The following CLYBL variants were observed in gnomAD, a reference collection of about 807,000 sequenced individuals.
CLYBL encodes the protein citramalyl-CoA lyase, mitochondrial.
In CLYBL, 31 loss-of-function variants were observed where a neutral mutation model predicts 38.9. That is an observed-to-expected ratio of 0.80 (90% CI 0.60 to 1.08). The LOEUF (loss-of-function observed/expected upper bound fraction) is 1.08, where lower values mean the gene tolerates loss of function less well. CLYBL is among the 50% of genes least tolerant of loss of function. The pLI, the probability that CLYBL is intolerant of heterozygous loss-of-function variation, is 0.00. For missense variants in CLYBL, 434 were observed against 411.6 expected (o/e 1.05, Z -0.47); for synonymous variants, 171 against 158.6 (o/e 1.08, Z -0.59).
intron 1 of CLYBL, among the ~76,000 whole-genome samples, chr13:99,623,322 C>T (rs1236254866): frequency 8.5e-5 from 13 of 152,314 alleles, no homozygotes; most frequent in Non-Finnish European, 1.6e-4. Flanking sequence ...TGTATTCTCG[C>T]GGTTTCTTCC....
chr13:99,652,437 A>G (rs1175423313), intron 1 of CLYBL, among the ~76,000 whole-genome samples: 1 of 152,036 alleles, frequency 6.6e-6, no homozygotes, highest in Non-Finnish European at 1.5e-5. Flanking sequence ...TTGGCCAGAC[A>G]TGGCTCACAC....
intron 2 of CLYBL, among the ~76,000 whole-genome samples, chr13:99,787,564 T>C (rs1022030419): frequency 1.3e-5 from 2 of 152,232 alleles, no homozygotes; most frequent in African/African-American, 4.8e-5. Context: ...TCTGTATCTC[T>C]GTTTTGCTAC....
intron 2 of CLYBL, among the ~76,000 whole-genome samples, chr13:99,843,822 G>C (rs1359322504): frequency 6.6e-6 from 1 of 152,086 alleles, no homozygotes. Flanking sequence ...GGCTGGTCTC[G>C]AACTCCTGAC....
intron 1 of CLYBL, among the ~76,000 whole-genome samples, chr13:99,701,600 C>A (rs906532105): frequency 6.6e-6 from 1 of 151,572 alleles, no homozygotes; most frequent in African/African-American, 2.4e-5. Context: ...CGTGAGCCAC[C>A]GCGCCCGGCC....
intron 2 of CLYBL, among the ~76,000 whole-genome samples, chr13:99,777,637 C>T (rs1248313727): frequency 6.6e-6 from 1 of 151,942 alleles, no homozygotes; most frequent in East Asian, 1.9e-4. Flanking sequence ...GGATTACAGG[C>T]GCATGCCACC....
At chr13:99,705,697 G>C (rs1046014988) in intron 1 of CLYBL, among the ~76,000 whole-genome samples, 1 of 152,092 alleles carries the variant, frequency 6.6e-6, no homozygotes, top group Non-Finnish European at 1.5e-5. Context: ...GAGGTACCTA[G>C]AGTAGTCAAA....
chr13:99,641,200 G>T (rs1019276045), intron 1 of CLYBL, among the ~76,000 whole-genome samples: 8 of 152,140 alleles, frequency 5.3e-5, no homozygotes, highest in Admixed American at 5.2e-4. Context: ...AATGATATAA[G>T]TTTTTTGATG....
chr13:99,635,709 G>T (rs751631194), intron 1 of CLYBL, among the ~76,000 whole-genome samples: 2 of 152,182 alleles, frequency 1.3e-5, no homozygotes, highest in African/African-American at 2.4e-5. Flanking sequence ...CATGAAGACT[G>T]GGGGAAGAGG....
chr13:99,752,691 T>C (rs2048979944), intron 1 of CLYBL, among the ~76,000 whole-genome samples: 1 of 151,984 alleles, frequency 6.6e-6, no homozygotes, highest in African/African-American at 2.4e-5. Context: ...GGGCACCTCT[T>C]TCCTTCACCG....
intron 2 of CLYBL, 95 bp from the exon 3 acceptor site, chr13:99,858,766 C>A: frequency 1.2e-6 from 1 of 800,760 alleles, no homozygotes; most frequent in South Asian, 1.9e-5. Context: ...TAATGGTGCT[C>A]AGACTCTGAA....
intron 1 of CLYBL, among the ~76,000 whole-genome samples, chr13:99,751,791 T>C (rs2048963710): frequency 6.6e-6 from 1 of 152,186 alleles, no homozygotes; most frequent in South Asian, 2.1e-4. Context: ...AACTGTACAC[T>C]TGACAGTGGT....
chr13:99,821,303 G>A (rs1259692154), intron 2 of CLYBL, among the ~76,000 whole-genome samples: 1 of 152,160 alleles, frequency 6.6e-6, no homozygotes, highest in Non-Finnish European at 1.5e-5. Context: ...AGCATCATAA[G>A]ATCAGGAACT....
In CLYBL at chr13:99,651,256, C is replaced by G. The variant is rs184610729; in HGVS notation, c.62+44499C>G. 1.7e-3 allele frequency among the ~76,000 whole-genome samples: 266 copies of G among 152,340 alleles called. 1 individual carries two copies. Among genetic ancestry groups the G allele is most frequent in the African/African-American group, 5.9e-3 (247 of 41,582 alleles). Reference sequence around the variant, plus strand: ...ACCTGATTGCAGGCCCAGCATCTGTCTTGGTGCCAAGCACATGACAAGAAC... The same window carrying G: ...ACCTGATTGCAGGCCCAGCATCTGTGTTGGTGCCAAGCACATGACAAGAAC... On this transcript the variant is annotated intron_variant, in intron 1 of 8. Coordinates refer to ENST00000339105, the MANE Select transcript of CLYBL (RefSeq NM_206808.5).
chr13:99,697,661 CTTT>C (rs1345788134), intron 1 of CLYBL, among the ~76,000 whole-genome samples: 5 of 135,596 alleles, frequency 3.7e-5, no homozygotes, highest in Admixed American at 7.4e-5. Flanking sequence ...TTCTTTCTTT[CTTT>C]TTTTTTTTTT....
At chr13:99,606,905 TCGA>T in intron 1 of CLYBL, 148 bp downstream of exon 1, 1 of 1,256,386 alleles carries the variant, frequency 8.0e-7, no homozygotes, top group Non-Finnish European at 1.0e-6. Context: ...ACGCGCTGGC[TCGA>T]CCTCGTCCAA....
intron 7 of CLYBL, among the ~76,000 whole-genome samples, chr13:99,876,894 ATG>A (rs1228438589): frequency 6.6e-6 from 1 of 152,210 alleles, no homozygotes; most frequent in African/African-American, 2.4e-5. Flanking sequence ...GTTCCAATGT[ATG>A]TCTTTTCTTG....
At chr13:99,676,682 C>T (rs1323083033) in intron 1 of CLYBL, among the ~76,000 whole-genome samples, 1 of 152,028 alleles carries the variant, frequency 6.6e-6, no homozygotes, top group Non-Finnish European at 1.5e-5. Flanking sequence ...CAACCTGCAC[C>T]TCCCAGGTTC....
At chr13:99,754,748 C>CT (rs35982336) in intron 1 of CLYBL, among the ~76,000 whole-genome samples, 42,195 of 124,348 alleles carry the variant, frequency 0.34, 7,831 homozygotes, top group Middle Eastern at 0.43. Context: ...CCATGCCCAG[C>CT]TTTTTTTTTT....
intron 2 of CLYBL, among the ~76,000 whole-genome samples, chr13:99,778,839 G>A (rs1009154726): frequency 3.9e-5 from 6 of 152,204 alleles, no homozygotes; most frequent in African/African-American, 1.4e-4. Flanking sequence ...TGAGGAGGAA[G>A]AGGCATGATT....
Sources: allele counts gnomAD v4.1 joint callset (sites outside exome capture counted in the v4.1 genomes callset), GRCh38; gene constraint gnomAD v4.1.1; transcripts MANE v1.5; gene names NCBI Gene and HGNC (gene_info 2026-07-23, HGNC 2026-07-21).